CFAP53: variants seen among roughly 807,000 people sequenced by gnomAD.
The protein encoded by CFAP53 is cilia and flagella associated protein 53, also known as cilia- and flagella-associated protein 53.
Under a neutral mutation model 59.7 loss-of-function variants are expected in CFAP53, and 62 were observed. The ratio of observed to expected loss-of-function variants is 1.04; its 90% CI spans 0.85 to 1.28. CFAP53 has a LOEUF of 1.28. CFAP53 is among the 50% of genes most tolerant of loss of function. CFAP53 has a pLI of 0.00. For missense variants in CFAP53, 629 were observed against 615.6 expected, an observed-to-expected ratio of 1.02 and a Z score of -0.23; for synonymous variants, 218 against 205.7, an observed-to-expected ratio of 1.06 and a Z score of -0.51.
Position 50,248,128 on chromosome 18 carries a change from T to TC in CFAP53, c.996+2629_996+2630insG, listed in dbSNP as rs1390251850. On this transcript the variant is annotated intron_variant, in intron 5 of 7. Coordinates refer to ENST00000398545, the MANE Select transcript of CFAP53 (RefSeq NM_145020.5). Reference sequence around the variant, plus strand: ...GAGTGAGATACTGGCTCAACAAAAATTAAAAAAAAAAAAAAAAACAGAAAA... The same window carrying TC: ...GAGTGAGATACTGGCTCAACAAAAATCTAAAAAAAAAAAAAAAAACAGAAAA... Among the ~76,000 whole-genome samples the TC allele has an allele frequency of 3.2e-3, 262 of 81,040 alleles. 1 individual carries two copies. Among genetic ancestry groups the TC allele is most frequent in the Non-Finnish European group, 5.1e-3 (188 of 36,878 alleles). 53.2% of individuals were successfully genotyped at this position (81,040 alleles called of 152,430 possible). A position where few individuals can be genotyped will look rare whatever the true frequency, so the allele number is the denominator to read the frequency against.
rs2033707311 is a variant in CFAP53 at position 50,243,066 on chromosome 18, T to C, written c.1047A>G (p.Arg349=). The C allele has an allele frequency of 1.2e-6, 2 of 1,613,546 alleles. No individual in the cohort carries two copies. The highest frequency in any genetic ancestry group is 8.5e-7 in the Non-Finnish European group (1 of 1,179,790). The change falls in exon 6 of 8, where the codon AGA becomes AGG. Residue 349 remains arginine (R), a synonymous_variant. Coordinates refer to ENST00000398545, the MANE Select transcript of CFAP53 (RefSeq NM_145020.5). ...QKIYHKYLAQ[R]REEEKAQEKE... ...TCTCCTGAGCTTTTTCTTCCTCACG[T>C]CTCTGTGCCAAATATTTATGGTATA... is the stretch of plus-strand genomic sequence containing the variant.
chr18:50,260,958 T>G lies in CFAP53; in HGVS notation c.473+106A>C, dbSNP rs2033886402. 3.6e-6 allele frequency: 4 copies of G among 1,111,290 alleles called. No homozygotes were observed. The South Asian group carries it at 5.8e-5, about 16-fold the overall frequency. The allele number at this position is 1,111,290 out of a possible 1,614,324, so 68.8% of individuals were successfully genotyped here. On this transcript the variant is annotated intron_variant, in intron 3 of 7. Transcript: ENST00000398545. ...TATTGCCAAGACTTAAAGTTACAAC[T>G]ACTCTGTATATCCTCTTAAGACTAA...
chr18:50,227,584 T>C lies in CFAP53; in HGVS notation c.1342A>G (p.Arg448Gly), dbSNP rs2033537535. ...ARRQRLAQEY[R>G]KQLQMQIAYQ... ...GCGATTTGCATCTGAAGTTGCTTCCTGTACTCCTGGGCTAAACGTTGGCGT... is the reference window on the plus strand; with the variant it reads ...GCGATTTGCATCTGAAGTTGCTTCCCGTACTCCTGGGCTAAACGTTGGCGT... Residue 448 changes from arginine to glycine, a missense_variant, in exon 8 of 8, where the codon AGG (arginine) becomes GGG (glycine). Physicochemically the swap from Arg to Gly is moderately radical, Grantham distance 125 (BLOSUM62 -2). Coordinates refer to ENST00000398545, the MANE Select transcript of CFAP53 (RefSeq NM_145020.5). The C allele has an allele frequency of 6.2e-7, 1 of 1,614,180 alleles. No individual in the cohort carries two copies. The highest frequency in any genetic ancestry group is 8.5e-7 in the Non-Finnish European group (1 of 1,179,978).
chr18:50,251,633 G>C lies in CFAP53; in HGVS notation c.625C>G (p.Arg209Gly). Residue 209 changes from arginine to glycine, a missense_variant, in exon 4 of 8, where the codon CGA (arginine) becomes GGA (glycine). Coordinates refer to ENST00000398545, the MANE Select transcript of CFAP53 (RefSeq NM_145020.5). ...QMFSKLWEED[R>G]LAKEKREAQE... The stretch of plus-strand genomic sequence containing the variant: ...GCTTCTCGCTTTTCCTTGGCTAATC[G>C]GTCTTCCTCCCAGAGTTTGGAGAAC... 6.2e-7 allele frequency: 1 copy of C among 1,614,072 alleles called. No homozygotes were observed. Among genetic ancestry groups the C allele is most frequent in the Non-Finnish European group, 8.5e-7 (1 of 1,180,016 alleles).
chr18:50,264,309 T>A (rs931723057), intron 1 of CFAP53, among the ~76,000 whole-genome samples: 4 of 152,188 alleles, frequency 2.6e-5, no homozygotes, highest in African/African-American at 9.7e-5. Flanking sequence ...CATCTCCAGT[T>A]ATAGTTATTA....
intron 6 of CFAP53, among the ~76,000 whole-genome samples, chr18:50,240,456 T>G (rs2033680459): frequency 6.6e-6 from 1 of 152,140 alleles, no homozygotes; most frequent in Admixed American, 6.5e-5. Flanking sequence ...GCCTGTGCAG[T>G]CCAATCCTAG....
intron 6 of CFAP53, among the ~76,000 whole-genome samples, chr18:50,240,178 CCCACCCTGACTCATTCAGATTACCTGCT>C (rs1568152432): frequency 3.4e-5 from 5 of 147,110 alleles, no homozygotes; most frequent in African/African-American, 1.0e-4. Context: ...AATTACCTGC[CCCACCCTGACTCATTCAGATTACCTGCT>C]CCACCCTGAC....
At chr18:50,236,076 T>C (rs1349230701) in intron 7 of CFAP53, among the ~76,000 whole-genome samples, 1 of 152,182 alleles carries the variant, frequency 6.6e-6, no homozygotes, top group Non-Finnish European at 1.5e-5. Context: ...CCTGTGCAGA[T>C]AACATACAAA....
intron 3 of CFAP53, among the ~76,000 whole-genome samples, chr18:50,256,709 C>A (rs551797285): frequency 6.6e-6 from 1 of 152,086 alleles, no homozygotes; most frequent in South Asian, 2.1e-4. Flanking sequence ...GAATTCATGA[C>A]AGAAAGAGCA....
At chr18:50,244,141 G>C (rs750809569) in intron 5 of CFAP53, among the ~76,000 whole-genome samples, 4 of 152,156 alleles carry the variant, frequency 2.6e-5, no homozygotes, top group Non-Finnish European at 5.9e-5. Flanking sequence ...CAATAGCAAT[G>C]AGTTCATCCA....
At chr18:50,234,591 G>A (rs2033613074) in intron 7 of CFAP53, among the ~76,000 whole-genome samples, 1 of 152,174 alleles carries the variant, frequency 6.6e-6, no homozygotes, top group Non-Finnish European at 1.5e-5. Context: ...AAGGAACTGG[G>A]CTCTTCTTTT....
intron 5 of CFAP53, among the ~76,000 whole-genome samples, chr18:50,247,415 A>G (rs1372807454): frequency 1.3e-5 from 2 of 152,236 alleles, no homozygotes; most frequent in African/African-American, 4.8e-5. Flanking sequence ...CAAAACTTCA[A>G]CACAGAGTTA....
rs542620958 is a variant in CFAP53 at position 50,240,093 on chromosome 18, C to A, written c.1214-1388G>T. 2.6e-5 allele frequency among the ~76,000 whole-genome samples: 4 copies of A among 152,292 alleles called. No individual in the cohort carries two copies. The East Asian group carries it at 7.7e-4, about 29-fold the overall frequency. On this transcript the variant is annotated intron_variant, in intron 6 of 7. Transcript: ENST00000398545. ...CACCCTGACTCATTCAGATTACCTGCTCCACCCTGACTCATTCAAATTACC... is the reference window on the plus strand; with the variant it reads ...CACCCTGACTCATTCAGATTACCTGATCCACCCTGACTCATTCAAATTACC...
intron 2 of CFAP53, 105 bp downstream of exon 2, chr18:50,261,885 A>G (rs1353999349): frequency 7.8e-6 from 6 of 764,352 alleles, no homozygotes; most frequent in Non-Finnish European, 1.3e-5. Context: ...TTTAATATAA[A>G]CATCTCAGCC....
chr18:50,232,525 G>C (rs1355955513), intron 7 of CFAP53, among the ~76,000 whole-genome samples: 1 of 152,184 alleles, frequency 6.6e-6, no homozygotes, highest in East Asian at 1.9e-4. Context: ...GAAAGGCAGA[G>C]TGCCCCAGTG....
At position 50,237,370 on chromosome 18, in the gene CFAP53, A is replaced by G. The variant is rs1458291832; in HGVS notation, c.1316+1233T>C. 5.4e-5 allele frequency among the ~76,000 whole-genome samples: 6 copies of G among 110,302 alleles called. No homozygotes were observed. In the East Asian group the frequency reaches 1.9e-3, roughly 34 times the overall value. 72.4% of individuals were successfully genotyped at this position (110,302 alleles called of 152,430 possible). Reference sequence around the variant, plus strand: ...TATATATACGCACACATATATATACACACACACACACACATACACACACAC... The same window carrying G: ...TATATATACGCACACATATATATACGCACACACACACACATACACACACAC... On this transcript the variant is annotated intron_variant, in intron 7 of 7. Coordinates refer to ENST00000398545, the MANE Select transcript of CFAP53 (RefSeq NM_145020.5).
In CFAP53 at chr18:50,227,955, C is replaced by CT. The variant is rs1191228047; in HGVS notation, c.1317-347dup. Among the ~76,000 whole-genome samples the CT allele has an allele frequency of 5.1e-4, 46 of 90,090 alleles. 3 individuals carry two copies. Among genetic ancestry groups the CT allele is most frequent in the African/African-American group, 2.0e-3 (45 of 22,802 alleles). 59.1% of individuals were successfully genotyped at this position (90,090 alleles called of 152,430 possible). On this transcript the variant is annotated intron_variant, in intron 7 of 7. Coordinates refer to ENST00000398545, the MANE Select transcript of CFAP53 (RefSeq NM_145020.5). ...CAAACTGCTCAATTCAACTTTTCTC[C>CT]TTTTTTTTTTTTTTTTTTTTTTGAG...
At chr18:50,264,643 A>C (rs182945736) in intron 1 of CFAP53, among the ~76,000 whole-genome samples, 5 of 152,330 alleles carry the variant, frequency 3.3e-5, no homozygotes, top group Non-Finnish European at 7.3e-5. Flanking sequence ...TCTAACATCT[A>C]TCTTTCTTAT....
chr18:50,260,564 C>G (rs552777952), intron 3 of CFAP53, among the ~76,000 whole-genome samples: 34 of 152,190 alleles, frequency 2.2e-4, no homozygotes, highest in African/African-American at 7.9e-4. Context: ...ACTTGAGAGG[C>G]TGAGGTGGGA....
Sources: gnomAD v4.1 joint callset for allele counts (sites outside exome capture counted in the v4.1 genomes callset) on GRCh38, gnomAD v4.1.1 for gene constraint, MANE v1.5 for transcripts, NCBI Gene and HGNC (gene_info 2026-07-23, HGNC 2026-07-21) for gene names.